Variants in PTPRT observed in about 807,000 individuals in gnomAD.
PTPRT encodes receptor-type tyrosine-protein phosphatase T.
In PTPRT, 56 loss-of-function variants were observed where a neutral mutation model predicts 176.8. That is an observed-to-expected ratio of 0.32 (90% CI 0.26 to 0.40). The LOEUF is 0.40. PTPRT is among the 10% of genes least tolerant of loss of function. The pLI is 1.00. For missense variants in PTPRT, 1,540 were observed against 1,908.2 expected, an observed-to-expected ratio of 0.81 and a Z score of 3.60; for synonymous variants, 783 against 739.0, an observed-to-expected ratio of 1.06 and a Z score of -0.96.
chr20:42,741,747 G>T (rs1364572133), intron 6 of PTPRT, among the ~76,000 whole-genome samples: 1 of 152,124 alleles, frequency 6.6e-6, no homozygotes, highest in Non-Finnish European at 1.5e-5. Flanking sequence ...GAGAGGGTGA[G>T]AAAGGTGGTA....
Position 42,656,424 on chromosome 20 carries a change from G to A in PTPRT, c.1153+21442C>T, listed in dbSNP as rs145652297. Reference sequence around the variant, plus strand: ...TTACAAGTAGTGATAAGAAATAAAAGCCATTGATTATCAGCTCCAAACACC... The same window carrying A: ...TTACAAGTAGTGATAAGAAATAAAAACCATTGATTATCAGCTCCAAACACC... On this transcript the variant is annotated intron_variant, in intron 7 of 30. Transcript: ENST00000373187. Among the ~76,000 whole-genome samples, 5 of 152,304 alleles carry A rather than the reference G, an allele frequency of 3.3e-5. No individual in the cohort carries two copies. The East Asian group carries it at 9.6e-4, about 29-fold the overall frequency.
At chr20:42,184,538 T>TTCC (rs367592964) in intron 16 of PTPRT, among the ~76,000 whole-genome samples, 1 of 106,502 alleles carries the variant, frequency 9.4e-6, no homozygotes, top group Non-Finnish European at 1.9e-5. Flanking sequence ...CTTCTTCCTC[T>TTCC]TCCTCTTCTT....
At chr20:42,800,578 C>G (rs1014554766) in intron 2 of PTPRT, among the ~76,000 whole-genome samples, 4 of 152,156 alleles carry the variant, frequency 2.6e-5, no homozygotes, top group Admixed American at 1.3e-4. Context: ...AATCTCCAAA[C>G]TCTTCACACA....
intron 1 of PTPRT, among the ~76,000 whole-genome samples, chr20:42,967,841 G>T (rs994225118): frequency 6.6e-6 from 1 of 151,962 alleles, no homozygotes; most frequent in African/African-American, 2.4e-5. Flanking sequence ...ATGTCAGGAA[G>T]AAATTCCAAA....
intron 7 of PTPRT, among the ~76,000 whole-genome samples, chr20:42,520,874 T>C (rs998600432): frequency 6.6e-5 from 10 of 150,984 alleles, no homozygotes; most frequent in African/African-American, 2.5e-4. Context: ...GATAGATAGA[T>C]AGATAGATAG....
chr20:42,130,145 G>C (rs1268231662), intron 18 of PTPRT, among the ~76,000 whole-genome samples: 1 of 152,220 alleles, frequency 6.6e-6, no homozygotes, highest in Non-Finnish European at 1.5e-5. Context: ...TAAGCACAAT[G>C]TTAGAAACCA....
At chr20:43,179,390 A>G (rs2015194381) in intron 1 of PTPRT, among the ~76,000 whole-genome samples, 1 of 152,216 alleles carries the variant, frequency 6.6e-6, no homozygotes, top group South Asian at 2.1e-4. Flanking sequence ...AAGGTCTAAA[A>G]TAAGCGCCAA....
the PTPRT span, among the ~76,000 whole-genome samples, chr20:42,048,118 AG>A: frequency 6.6e-6 from 1 of 152,320 alleles, no homozygotes. Context: ...AGAGCAGCTC[AG>A]GGGCTAGTCA....
At chr20:42,620,963 C>T (rs1031699475) in intron 7 of PTPRT, among the ~76,000 whole-genome samples, 1 of 152,134 alleles carries the variant, frequency 6.6e-6, no homozygotes, top group Non-Finnish European at 1.5e-5. Context: ...CTTGGCTCCT[C>T]CCCCGAAACT....
At chr20:42,916,901 T>C (rs1373110170) in intron 1 of PTPRT, among the ~76,000 whole-genome samples, 1 of 152,120 alleles carries the variant, frequency 6.6e-6, no homozygotes, top group Non-Finnish European at 1.5e-5. Flanking sequence ...TTTTCTGCCA[T>C]TCTGTAGGTT....
intron 5 of PTPRT, among the ~76,000 whole-genome samples, chr20:42,763,723 AAAG>A (rs1374258765): frequency 6.6e-6 from 1 of 152,244 alleles, no homozygotes; most frequent in Non-Finnish European, 1.5e-5. Context: ...GGCAGTCTCT[AAAG>A]AATAGCTTTT....
At chr20:42,440,448 A>AAAATAAAT (rs1041920844) in intron 9 of PTPRT, among the ~76,000 whole-genome samples, 9 of 152,054 alleles carry the variant, frequency 5.9e-5, no homozygotes, top group Non-Finnish European at 1.3e-4. Flanking sequence ...CTGAAAGGCA[A>AAAATAAAT]AAATAAATAT....
chr20:43,058,894 C>T (rs375581970), intron 1 of PTPRT, among the ~76,000 whole-genome samples: 2 of 152,186 alleles, frequency 1.3e-5, no homozygotes, highest in Admixed American at 6.5e-5. Flanking sequence ...GCAGCCACTG[C>T]GGCCCAAGCT....
At chr20:43,000,579 T>G (rs1984506863) in intron 1 of PTPRT, among the ~76,000 whole-genome samples, 2 of 152,024 alleles carry the variant, frequency 1.3e-5, no homozygotes, top group Admixed American at 1.3e-4. Context: ...AAATCATAAG[T>G]TCACTGCAGA....
At chr20:42,930,093 C>T (rs555624418) in intron 1 of PTPRT, among the ~76,000 whole-genome samples, 10 of 152,258 alleles carry the variant, frequency 6.6e-5, no homozygotes, top group African/African-American at 1.4e-4. Flanking sequence ...ATAATCTCTC[C>T]GGACTAGTTT....
intron 2 of PTPRT, among the ~76,000 whole-genome samples, chr20:42,871,631 T>C (rs1403836608): frequency 6.6e-6 from 1 of 152,220 alleles, no homozygotes; most frequent in African/African-American, 2.4e-5. Flanking sequence ...TTTAGGTCTT[T>C]AATCCATTTT....
chr20:43,072,413 C>G (rs931607356), intron 1 of PTPRT, among the ~76,000 whole-genome samples: 4 of 152,192 alleles, frequency 2.6e-5, no homozygotes, highest in African/African-American at 9.7e-5. Context: ...TCTAATTCCT[C>G]AAAGTAGGTT....
At chr20:42,394,496 G>A (rs529997743) in intron 9 of PTPRT, among the ~76,000 whole-genome samples, 21 of 152,264 alleles carry the variant, frequency 1.4e-4, no homozygotes, top group African/African-American at 4.8e-4. Context: ...CCAAGAGGAC[G>A]GCCAGCCTAA....
chr20:43,165,868 C>T (rs991560643), intron 1 of PTPRT, among the ~76,000 whole-genome samples: 1 of 152,170 alleles, frequency 6.6e-6, no homozygotes, highest in African/African-American at 2.4e-5. Context: ...CTTGATCAAG[C>T]AGTCTGGAGC....
Sources: gnomAD v4.1 joint callset for allele counts (sites outside exome capture counted in the v4.1 genomes callset) on GRCh38, gnomAD v4.1.1 for gene constraint, MANE v1.5 for transcripts, NCBI Gene and HGNC (gene_info 2026-07-23, HGNC 2026-07-21) for gene names.